KCNIP1: variants seen among roughly 807,000 people sequenced by gnomAD.
The protein encoded by KCNIP1 is potassium voltage-gated channel interacting protein 1.
KCNIP1 carries 18 observed loss-of-function variants against 33.0 expected under a neutral mutation model. The ratio of observed to expected loss-of-function variants is 0.55; its 90% CI spans 0.38 to 0.81. The LOEUF is 0.81. KCNIP1 is among the 30% of genes least tolerant of loss of function. KCNIP1 has a pLI of 0.00. For missense variants in KCNIP1, 238 were observed against 271.6 expected, an observed-to-expected ratio of 0.88 and a Z score of 0.87; for synonymous variants, 93 against 98.3, an observed-to-expected ratio of 0.95 and a Z score of 0.32.
Position 170,449,824 on chromosome 5 carries a change from T to C in KCNIP1, c.88+95860T>C, listed in dbSNP as rs1756203670. 2.6e-5 allele frequency among the ~76,000 whole-genome samples: 4 copies of C among 152,130 alleles called. 1 individual carries two copies. The South Asian group carries it at 8.3e-4, about 32-fold the overall frequency. ...TTTGCAGTTCCTTCTCCTGCTTTGA[T>C]AACTAGAAGCAGTCATATAGGGCCT... On this transcript the variant is annotated intron_variant, in intron 1 of 7. Transcript: ENST00000377360.
At position 170,711,498 on chromosome 5, in the gene KCNIP1, C is replaced by T. The variant is rs889245595; in HGVS notation, c.62-7260C>T. Among the ~76,000 whole-genome samples the T allele has an allele frequency of 2.6e-5, 4 of 152,176 alleles. No individual in the cohort carries two copies. The South Asian group carries it at 6.2e-4, about 24-fold the overall frequency. On this transcript the variant is annotated intron_variant, in intron 1 of 7. Transcript: ENST00000328939. ...GTAACAGTGGATACATGACGTCATG[C>T]ATTTGTCAAAACCCACAGAACTGTA...
chr5:170,392,209 A>G (rs1754618323), intron 1 of KCNIP1, among the ~76,000 whole-genome samples: 1 of 152,162 alleles, frequency 6.6e-6, no homozygotes, highest in South Asian at 2.1e-4. Flanking sequence ...GGCATGGGAG[A>G]GAACAAGCCT....
chr5:170,636,540 A>G (rs1047168201), intron 1 of KCNIP1, among the ~76,000 whole-genome samples: 30 of 152,142 alleles, frequency 2.0e-4, no homozygotes, highest in African/African-American at 7.2e-4. Flanking sequence ...GCATGCAGAG[A>G]CCTCATCAAT....
At chr5:170,654,406 G>C (rs1326563197) in intron 1 of KCNIP1, among the ~76,000 whole-genome samples, 1 of 152,168 alleles carries the variant, frequency 6.6e-6, no homozygotes. Context: ...TCCATAAATT[G>C]TATGTACTAT....
chr5:170,729,240 T>C (rs886152792), intron 5 of KCNIP1, among the ~76,000 whole-genome samples: 2 of 152,120 alleles, frequency 1.3e-5, no homozygotes, highest in Non-Finnish European at 2.9e-5. Context: ...TTTTAAATTA[T>C]TGATGGCTTT....
chr5:170,581,080 C>A (rs1277991724), intron 1 of KCNIP1, among the ~76,000 whole-genome samples: 1 of 152,152 alleles, frequency 6.6e-6, no homozygotes, highest in Admixed American at 6.5e-5. Flanking sequence ...CCTTGATAAA[C>A]CTAAAGGTAG....
At chr5:170,456,795 T>C (rs927706243) in intron 1 of KCNIP1, among the ~76,000 whole-genome samples, 4 of 150,624 alleles carry the variant, frequency 2.7e-5, no homozygotes, top group Admixed American at 6.6e-5. Flanking sequence ...CACAGCTCAC[T>C]GCAGCCTCGA....
intron 1 of KCNIP1, among the ~76,000 whole-genome samples, chr5:170,659,187 A>G (rs1761383563): frequency 6.6e-6 from 1 of 151,970 alleles, no homozygotes; most frequent in Non-Finnish European, 1.5e-5. Context: ...GTAGGTGGGC[A>G]TTGTCCCAAG....
chr5:170,636,839 C>T (rs960709582), intron 1 of KCNIP1, among the ~76,000 whole-genome samples: 3 of 152,138 alleles, frequency 2.0e-5, no homozygotes, highest in Non-Finnish European at 2.9e-5. Flanking sequence ...CCAATAAAGG[C>T]AGGTCCTGTA....
intron 1 of KCNIP1, among the ~76,000 whole-genome samples, chr5:170,526,624 A>G (rs1755578771): frequency 6.6e-6 from 1 of 151,942 alleles, no homozygotes; most frequent in African/African-American, 2.4e-5. Context: ...CTGAGGTGTC[A>G]TCAGCTGCTT....
chr5:170,434,007 G>A (rs1177263768), intron 1 of KCNIP1, among the ~76,000 whole-genome samples: 1 of 152,100 alleles, frequency 6.6e-6, no homozygotes, highest in African/African-American at 2.4e-5. Context: ...GCATTTCTTT[G>A]TTCTGACCTC....
chr5:170,440,871 C>A (rs1364214344), intron 1 of KCNIP1, among the ~76,000 whole-genome samples: 1 of 152,192 alleles, frequency 6.6e-6, no homozygotes, highest in African/African-American at 2.4e-5. Context: ...GAAGCTTCCG[C>A]TCTGGACAGC....
chr5:170,366,674 G>A (rs1468575501), intron 1 of KCNIP1, among the ~76,000 whole-genome samples: 1 of 152,242 alleles, frequency 6.6e-6, no homozygotes, highest in East Asian at 1.9e-4. Flanking sequence ...TGGGGAAACT[G>A]AGGCCAGAGC....
chr5:170,725,220 C>T (rs547270346), intron 5 of KCNIP1, among the ~76,000 whole-genome samples: 1 of 152,312 alleles, frequency 6.6e-6, no homozygotes, highest in Admixed American at 6.5e-5. Context: ...GAGATATCTG[C>T]ACTCCCATGT....
At chr5:170,584,053 C>T (rs939380012) in intron 1 of KCNIP1, among the ~76,000 whole-genome samples, 5 of 152,172 alleles carry the variant, frequency 3.3e-5, no homozygotes, top group African/African-American at 1.2e-4. Context: ...ATCTGTCTGA[C>T]TCAACTACCT....
chr5:170,730,091 T>C (rs1037920148), intron 5 of KCNIP1, among the ~76,000 whole-genome samples: 1 of 152,110 alleles, frequency 6.6e-6, no homozygotes, highest in Non-Finnish European at 1.5e-5. Flanking sequence ...TTTTTAAATA[T>C]ATTACATTTT....
intron 1 of KCNIP1, among the ~76,000 whole-genome samples, chr5:170,460,203 T>G (rs1300825153): frequency 6.6e-6 from 1 of 151,714 alleles, no homozygotes; most frequent in Non-Finnish European, 1.5e-5. Flanking sequence ...AATTAAAAAA[T>G]TACCAATAAA....
At chr5:170,629,295 G>A (rs1183289277) in intron 1 of KCNIP1, among the ~76,000 whole-genome samples, 2 of 152,186 alleles carry the variant, frequency 1.3e-5, no homozygotes, top group Non-Finnish European at 2.9e-5. Context: ...TTCATGCAGG[G>A]ACCTCCTGGC....
At chr5:170,441,410 G>C (rs1270901142) in intron 1 of KCNIP1, among the ~76,000 whole-genome samples, 2 of 152,180 alleles carry the variant, frequency 1.3e-5, no homozygotes, top group African/African-American at 4.8e-5. Flanking sequence ...CTCTGGTGCT[G>C]GGGAGGGGTG....
Sources: allele counts gnomAD v4.1 joint callset (sites outside exome capture counted in the v4.1 genomes callset), GRCh38; gene constraint gnomAD v4.1.1; transcripts MANE v1.5; gene names NCBI Gene and HGNC (gene_info 2026-07-23, HGNC 2026-07-21).